The following RAB3GAP1 variants were observed in gnomAD, a reference collection of about 807,000 sequenced individuals.
The protein encoded by RAB3GAP1 is rab3 GTPase-activating protein catalytic subunit.
In RAB3GAP1, 86 loss-of-function variants were observed where a neutral mutation model predicts 130.7. The observed-to-expected ratio is 0.66, with a 90% CI of 0.55 to 0.79. RAB3GAP1 has a LOEUF of 0.79. RAB3GAP1 is among the 30% of genes least tolerant of loss of function. The probability of loss-of-function intolerance (pLI) is 0.00; values close to 1 mark genes in which losing one functional copy is unlikely to be tolerated. For synonymous variants in RAB3GAP1, 367 were observed against 401.7 expected, an observed-to-expected ratio of 0.91 and a Z score of 1.03; for missense variants, 1,029 against 1,169.4, an observed-to-expected ratio of 0.88 and a Z score of 1.75.
intron 19 of RAB3GAP1, among the ~76,000 whole-genome samples, chr2:135,162,204 A>C (rs1692482505): frequency 1.3e-5 from 2 of 152,228 alleles, no homozygotes; most frequent in Admixed American, 1.3e-4. Context: ...ATTTAATATT[A>C]GTGCCCTTAG....
chr2:135,163,768 G>A (rs1558806358), intron 22 of RAB3GAP1, among the ~76,000 whole-genome samples: 1 of 152,152 alleles, frequency 6.6e-6, no homozygotes, highest in African/African-American at 2.4e-5. Context: ...GCTTAAATTT[G>A]TCATCATTTA....
intron 12 of RAB3GAP1, 71 bp downstream of exon 12, chr2:135,130,158 C>A: frequency 1.6e-6 from 2 of 1,233,388 alleles, no homozygotes; most frequent in Non-Finnish European, 2.4e-6. Flanking sequence ...TTTTCAGCAA[C>A]TTTTCATCTG....
chr2:135,113,208 C>A lies in RAB3GAP1; in HGVS notation c.420C>A (p.Leu140=). Residue 140 remains leucine (L), a synonymous_variant, in exon 6 of 24, where the codon CTC becomes CTA. Coordinates refer to ENST00000264158, the MANE Select transcript of RAB3GAP1 (RefSeq NM_012233.3). ...CTGCTGCACACAGTGACGCTGTTCT[C>A]AGCGAATCTAAGTGCAACCTTCTTC... ...IAPAAHSDAV[L]SESKCNLLLS... 1 of 1,614,148 alleles carries A rather than the reference C, an allele frequency of 6.2e-7. No individual in the cohort carries two copies. The highest frequency in any genetic ancestry group is 1.1e-5 in the South Asian group (1 of 91,082).
intron 2 of RAB3GAP1, among the ~76,000 whole-genome samples, chr2:135,054,338 G>C (rs1283310838): frequency 6.6e-6 from 1 of 152,152 alleles, no homozygotes; most frequent in Non-Finnish European, 1.5e-5. Context: ...CTTCGTTTTA[G>C]AGTGGCCAGG....
At chr2:135,115,451 C>T (rs1690943113) in intron 7 of RAB3GAP1, 70 bp downstream of exon 7, 1 of 1,454,608 alleles carries the variant, frequency 6.9e-7, no homozygotes, top group South Asian at 1.2e-5. Context: ...TCATTTTATT[C>T]AGCATATAGA....
chr2:135,156,080 A>C (rs1573605867), intron 19 of RAB3GAP1, among the ~76,000 whole-genome samples: 1 of 152,188 alleles, frequency 6.6e-6, no homozygotes, highest in East Asian at 1.9e-4. Context: ...TTGAAAATCA[A>C]GTTGAATTAG....
intron 5 of RAB3GAP1, among the ~76,000 whole-genome samples, chr2:135,107,511 A>G (rs1366431858): frequency 2.0e-5 from 3 of 152,116 alleles, no homozygotes; most frequent in African/African-American, 7.2e-5. Context: ...GATGTGTATT[A>G]TAATATCTAA....
At chr2:135,168,098 G>A (rs1451902440) in intron 23 of RAB3GAP1, among the ~76,000 whole-genome samples, 1 of 152,200 alleles carries the variant, frequency 6.6e-6, no homozygotes, top group African/African-American at 2.4e-5. Context: ...AATTTGGCAA[G>A]TGAACCTTAA....
chr2:135,171,659 A>G (rs1692858888), downstream of RAB3GAP1, among the ~76,000 whole-genome samples: 1 of 152,204 alleles, frequency 6.6e-6, no homozygotes, highest in Non-Finnish European at 1.5e-5. Context: ...GCAAATGTTT[A>G]TTGAGTACCT....
At chr2:135,109,986 T>C (rs1031193976) in intron 5 of RAB3GAP1, among the ~76,000 whole-genome samples, 9 of 152,156 alleles carry the variant, frequency 5.9e-5, no homozygotes, top group African/African-American at 2.2e-4. Context: ...TATTTTTTTT[T>C]TAAAGCTCCC....
At position 135,096,802 on chromosome 2, in the gene RAB3GAP1, A is replaced by G. The variant is rs1470651721; in HGVS notation, c.362+3109A>G. The stretch of plus-strand genomic sequence containing the variant: ...AATAATAAATAATATGCACTTCCAG[A>G]GTAGTTATGAGGATCAAATAAGATA... On this transcript the variant is annotated intron_variant, in intron 5 of 23. Transcript: ENST00000264158. 2.0e-5 allele frequency among the ~76,000 whole-genome samples: 3 copies of G among 152,188 alleles called. No homozygotes were observed. The South Asian group carries it at 6.2e-4, about 31-fold the overall frequency.
At chr2:135,106,556 A>C (rs1558778376) in intron 5 of RAB3GAP1, among the ~76,000 whole-genome samples, 1 of 152,136 alleles carries the variant, frequency 6.6e-6, no homozygotes, top group Non-Finnish European at 1.5e-5. Flanking sequence ...TGAAGGCAGC[A>C]TGCTTCTTAA....
Position 135,163,059 on chromosome 2 carries a change from C to G in RAB3GAP1, c.2564C>G (p.Thr855Ser). 6.2e-7 allele frequency: 1 copy of G among 1,613,836 alleles called. No individual in the cohort carries two copies. The highest frequency in any genetic ancestry group is 8.5e-7 in the Non-Finnish European group (1 of 1,179,784). ...RARSLKAKFG[T>S]EKCEQEEEKE... is the part of the protein sequence containing the mutation. The stretch of plus-strand genomic sequence containing the variant: ...CGGTCACTAAAAGCCAAGTTTGGAA[C>G]TGAGAAATGTGAACAGGAGGAGGAA... The change falls in exon 22 of 24, where the codon ACT becomes AGT. Residue 855 changes from threonine (T) to serine (S), a missense_variant. By Grantham distance (58) the Thr-to-Ser change is moderately conservative. Around this residue, in one of 3 missense-constraint regions of RAB3GAP1, gnomAD observed 373 missense variants for 493.6 expected, o/e 0.76. Coordinates refer to ENST00000264158, the MANE Select transcript of RAB3GAP1 (RefSeq NM_012233.3).
intron 3 of RAB3GAP1, among the ~76,000 whole-genome samples, chr2:135,083,602 T>G (rs1325957578): frequency 6.6e-6 from 1 of 151,758 alleles, no homozygotes; most frequent in Non-Finnish European, 1.5e-5. Flanking sequence ...GGTAGAACTA[T>G]AGGCATGTAC....
intron 3 of RAB3GAP1, among the ~76,000 whole-genome samples, chr2:135,085,098 C>T (rs916910509): frequency 6.6e-6 from 1 of 152,042 alleles, no homozygotes; most frequent in Non-Finnish European, 1.5e-5. Context: ...TGGAAGGTAG[C>T]TGTAGGGGTA....
chr2:135,172,347 A>T (rs146825490), downstream of RAB3GAP1, among the ~76,000 whole-genome samples: 724 of 151,904 alleles, frequency 4.8e-3, 2 homozygotes, highest in Non-Finnish European at 7.7e-3. Context: ...AGGCAGGAGA[A>T]TTGCTTGAAC....
chr2:135,097,047 CT>C (rs1451792303), intron 5 of RAB3GAP1, among the ~76,000 whole-genome samples: 1 of 151,826 alleles, frequency 6.6e-6, no homozygotes, highest in Non-Finnish European at 1.5e-5. Flanking sequence ...TAAAATTGGA[CT>C]TTTTGTGGAG....
At chr2:135,137,670 A>G (rs568075639) in intron 17 of RAB3GAP1, among the ~76,000 whole-genome samples, 4 of 152,330 alleles carry the variant, frequency 2.6e-5, no homozygotes, top group South Asian at 4.1e-4. Flanking sequence ...CCAAAAATAT[A>G]TAGAGAGAAC....
At chr2:135,099,431 CTGTGTGTGTGTG>C (rs141856311) in intron 5 of RAB3GAP1, among the ~76,000 whole-genome samples, 9 of 142,492 alleles carry the variant, frequency 6.3e-5, no homozygotes, top group Non-Finnish European at 9.5e-5. Flanking sequence ...ATTTGTATTT[CTGTGTGTGTGTG>C]TGTGTGTGTG....
Sources: gnomAD v4.1 joint callset for allele counts (sites outside exome capture counted in the v4.1 genomes callset) on GRCh38, gnomAD v4.1.1 for gene constraint, gnomAD v4.1.1 regional missense constraint, MANE v1.5 for transcripts, NCBI Gene and HGNC (gene_info 2026-07-23, HGNC 2026-07-21) for gene names.